Variants in KDM1B observed in about 807,000 individuals in gnomAD.
KDM1B encodes the protein lysine demethylase 1B.
Under a neutral mutation model 107.4 loss-of-function variants are expected in KDM1B, and 63 were observed. That is an observed-to-expected ratio of 0.59 (90% CI 0.48 to 0.72). The LOEUF (loss-of-function observed/expected upper bound fraction) is 0.72, where lower values mean the gene tolerates loss of function less well. KDM1B is among the 30% of genes least tolerant of loss of function. KDM1B has a pLI of 0.00. For synonymous variants in KDM1B, 363 were observed against 363.9 expected, an observed-to-expected ratio of 1.00 and a Z score of 0.03; for missense variants, 749 against 1,020.8, an observed-to-expected ratio of 0.73 and a Z score of 3.63.
Position 18,201,430 on chromosome 6 carries a change from T to G in KDM1B, c.1360-56T>G. ...TCTGTCTGATTTTCAGCTTAGAACC[T>G]GTAAATATTTTTTTCCAGGGAAAAT... On this transcript the variant is annotated intron_variant, in intron 13 of 21. Coordinates refer to ENST00000650836, the MANE Select transcript of KDM1B (RefSeq NM_001364614.2). This position sits in a 1 kb window ranked among gnomAD's most constrained non-coding sequence, Gnocchi z 4.3. 7.7e-7 allele frequency: 1 copy of G among 1,306,562 alleles called. No homozygotes were observed. The highest frequency in any genetic ancestry group is 1.1e-6 in the Non-Finnish European group (1 of 948,068). 80.9% of individuals were successfully genotyped at this position (1,306,562 alleles called of 1,614,324 possible).
rs1000589787 is a variant in KDM1B, at chr6:18,172,439, G to A, written c.534+960G>A. On this transcript the variant is annotated intron_variant, in intron 7 of 21. Coordinates refer to ENST00000650836, the MANE Select transcript of KDM1B (RefSeq NM_001364614.2). This position sits in a 1 kb window ranked among gnomAD's most constrained non-coding sequence, Gnocchi z 5.2. The stretch of plus-strand genomic sequence containing the variant: ...GCTGTGGTGCAGGTTGAGCACCCTA[G>A]TCTGAAAATCTGAAATGTTCCAAAA... Among the ~76,000 whole-genome samples the A allele has an allele frequency of 8.5e-5, 13 of 152,164 alleles. No individual in the cohort carries two copies. The highest frequency in any genetic ancestry group is 3.1e-4 in the African/African-American group (13 of 41,446).
chr6:18,219,511 A>T (rs1358264027), intron 21 of KDM1B, among the ~76,000 whole-genome samples: 1 of 152,028 alleles, frequency 6.6e-6, no homozygotes, highest in Non-Finnish European at 1.5e-5. Flanking sequence ...CTTTTACTTT[A>T]TGAGCACTTT....
chr6:18,187,855 G>C lies in KDM1B; in HGVS notation c.637G>C (p.Asp213His), dbSNP rs541442195. Reference protein sequence around the residue: ...SMLILPPLLKDSVAAPLLSAY... With the variant: ...SMLILPPLLKHSVAAPLLSAY... ...GCTCATCCTACCTCCTTTGCTGAAA[G>C]ACAGTGTGGCAGCGCCCCTGCTGTC... The change falls in exon 9 of 22, where the codon GAC becomes CAC. Residue 213 changes from aspartate (D) to histidine (H), a missense_variant. By Grantham distance (81) the Asp-to-His change is moderately conservative. Coordinates refer to ENST00000650836, the MANE Select transcript of KDM1B (RefSeq NM_001364614.2). 1.9e-6 allele frequency: 3 copies of C among 1,550,500 alleles called. No individual in the cohort carries two copies. In the East Asian group the frequency reaches 7.3e-5, roughly 38 times the overall value.
At chr6:18,170,596 T>G (rs1019750057) in intron 6 of KDM1B, among the ~76,000 whole-genome samples, 15 of 151,720 alleles carry the variant, frequency 9.9e-5, no homozygotes, top group African/African-American at 3.6e-4. Context: ...TCCTCTCACC[T>G]CAGCCTCCTG....
chr6:18,166,096 C>T (rs927171174), intron 5 of KDM1B, among the ~76,000 whole-genome samples, 171 bp from the exon 6 acceptor site: 1 of 152,118 alleles, frequency 6.6e-6, no homozygotes, highest in East Asian at 1.9e-4. Flanking sequence ...CAAGAATATA[C>T]CCCTTCTGAC....
intron 7 of KDM1B, among the ~76,000 whole-genome samples, chr6:18,178,647 T>C (rs1364650371): frequency 6.6e-6 from 1 of 152,160 alleles, no homozygotes. Flanking sequence ...TGCCTTGGCC[T>C]CCCAAAGTGC....
chr6:18,178,227 C>T (rs1786169120), intron 7 of KDM1B, among the ~76,000 whole-genome samples: 1 of 150,966 alleles, frequency 6.6e-6, no homozygotes, highest in Non-Finnish European at 1.5e-5. Flanking sequence ...GGATTACAGG[C>T]ACCCACCACC....
chr6:18,165,969 T>C (rs1349545425), intron 5 of KDM1B, among the ~76,000 whole-genome samples: 1 of 152,184 alleles, frequency 6.6e-6, no homozygotes, highest in Non-Finnish European at 1.5e-5. Flanking sequence ...GAACAGTCAC[T>C]GTACTCCAGC....
Position 18,204,474 on chromosome 6 carries a change from A to G in KDM1B, c.1532-1063A>G, listed in dbSNP as rs1333409022. On this transcript the variant is annotated intron_variant, in intron 14 of 21. Coordinates refer to ENST00000650836, the MANE Select transcript of KDM1B (RefSeq NM_001364614.2). The surrounding 1 kb of genome is among the most constrained non-coding windows in gnomAD (Gnocchi z 4.9). ...GGGTGACATGGTGAGACCCTATCTCAGGAAAAAAAAGAAAAAGAAAACACC... is the reference window on the plus strand; with the variant it reads ...GGGTGACATGGTGAGACCCTATCTCGGGAAAAAAAAGAAAAAGAAAACACC... Among the ~76,000 whole-genome samples, 1 of 152,118 alleles carries G rather than the reference A, an allele frequency of 6.6e-6. No individual in the cohort carries two copies. Among genetic ancestry groups the G allele is most frequent in the Non-Finnish European group, 1.5e-5 (1 of 68,020 alleles).
At chr6:18,158,084 A>G (rs1182196845) in intron 2 of KDM1B, among the ~76,000 whole-genome samples, 2 of 152,208 alleles carry the variant, frequency 1.3e-5, no homozygotes, top group Non-Finnish European at 2.9e-5. Flanking sequence ...AAGTGCTGGG[A>G]TTACAGGCGT....
chr6:18,197,681 G>C lies in KDM1B; in HGVS notation c.1221+20G>C, dbSNP rs759450474. On this transcript the variant is annotated intron_variant, in intron 12 of 21. Transcript: ENST00000650836. This position sits in a 1 kb window ranked among gnomAD's most constrained non-coding sequence, Gnocchi z 4.5. ...ATTAAGGTAGGATTTTGGGGACATG[G>C]AGTTAGAACAGATGGTTGACTGCTC... 12 of 1,588,610 alleles carry C rather than the reference G, an allele frequency of 7.6e-6. No homozygotes were observed. The highest frequency in any genetic ancestry group is 8.6e-7 in the Non-Finnish European group (1 of 1,160,122).
intron 21 of KDM1B, among the ~76,000 whole-genome samples, chr6:18,220,262 G>T (rs775638901): frequency 1.9e-4 from 29 of 152,188 alleles, no homozygotes; most frequent in Non-Finnish European, 3.7e-4. Flanking sequence ...GTTTACAGAA[G>T]AATAACATTG....
chr6:18,193,577 C>T (rs920110088), intron 10 of KDM1B, among the ~76,000 whole-genome samples: 4 of 152,036 alleles, frequency 2.6e-5, no homozygotes, highest in South Asian at 4.1e-4. Context: ...GCTGGAATTA[C>T]AGGCATGAGC....
At chr6:18,171,259 T>C (rs895820716) in intron 6 of KDM1B, 104 bp from the exon 7 acceptor site, 1 of 744,090 alleles carries the variant, frequency 1.3e-6, no homozygotes, top group Non-Finnish European at 2.5e-6. Flanking sequence ...AAAAAATACT[T>C]AGGATTGCTA....
At chr6:18,180,323 C>T (rs1786372407) in intron 7 of KDM1B, among the ~76,000 whole-genome samples, 1 of 152,010 alleles carries the variant, frequency 6.6e-6, no homozygotes, top group African/African-American at 2.4e-5. Context: ...ACTTAACTAC[C>T]TGTGTCCCAG....
Position 18,214,954 on chromosome 6 carries a change from T to A in KDM1B, c.2110-53T>A. ...AAAAAACAAAAAAAAGAGGCCCTTA[T>A]CTGTGGGAGCTGAGCACTCACAGAC... On this transcript the variant is annotated intron_variant, in intron 19 of 21. Coordinates refer to ENST00000650836, the MANE Select transcript of KDM1B (RefSeq NM_001364614.2). This position sits in a 1 kb window ranked among gnomAD's most constrained non-coding sequence, Gnocchi z 4.4. 7 of 1,576,096 alleles carry A rather than the reference T, an allele frequency of 4.4e-6. No homozygotes were observed. The highest frequency in any genetic ancestry group is 6.0e-6 in the Non-Finnish European group (7 of 1,163,922).
rs1789927191 is a variant in KDM1B at position 18,223,346 on chromosome 6, C to CT, written c.*1354_*1355insT. ...GACACCTCCCCCACCGCCCGCCCCCCGCCCCCCCCAATCAAAGTGTGGTCC... is the reference window on the plus strand; with the variant it reads ...GACACCTCCCCCACCGCCCGCCCCCCTGCCCCCCCCAATCAAAGTGTGGTCC... On this transcript the variant is annotated 3_prime_UTR_variant, in exon 22 of 22. Coordinates refer to ENST00000650836, the MANE Select transcript of KDM1B (RefSeq NM_001364614.2). 1 of 128,622 alleles carries CT rather than the reference C, an allele frequency of 7.8e-6. No homozygotes were observed. 8.0% of individuals were successfully genotyped at this position (128,622 alleles called of 1,614,324 possible).
At chr6:18,166,208 C>T (rs1785282744) in intron 5 of KDM1B, 59 bp from the exon 6 acceptor site, 2 of 784,970 alleles carry the variant, frequency 2.5e-6, no homozygotes, top group South Asian at 3.0e-5. Flanking sequence ...TTTTGAAAAA[C>T]CTGATTGCTT....
chr6:18,169,903 AAAT>A (rs1402568340), intron 6 of KDM1B, among the ~76,000 whole-genome samples: 1 of 151,656 alleles, frequency 6.6e-6, no homozygotes, highest in East Asian at 1.9e-4. Context: ...CATCTTTTTA[AAAT>A]TATTTATTTA....
Sources: allele counts gnomAD v4.1 joint callset (sites outside exome capture counted in the v4.1 genomes callset), GRCh38; gene constraint gnomAD v4.1.1; non-coding constraint Gnocchi (gnomAD v3.1); transcripts MANE v1.5; gene names NCBI Gene and HGNC (gene_info 2026-07-23, HGNC 2026-07-21).